The following LAMB4 variants were observed in gnomAD, a reference collection of about 807,000 sequenced individuals.
LAMB4 encodes laminin subunit beta 4, also known as laminin subunit beta-4.
A neutral mutation model predicts 199.2 loss-of-function variants in LAMB4; 196 were observed. The ratio of observed to expected loss-of-function variants is 0.98; its 90% CI spans 0.88 to 1.11. LAMB4 has a LOEUF of 1.11. Among genes scored for constraint, LAMB4 ranks in the 50% least tolerant of loss-of-function variants. LAMB4 has a pLI of 0.00. For synonymous variants in LAMB4, 744 were observed against 770.6 expected, an observed-to-expected ratio of 0.97 and a Z score of 0.57; for missense variants, 2,080 against 2,171.2, an observed-to-expected ratio of 0.96 and a Z score of 0.83.
At chr7:108,078,403 A>G (rs1331330011) in intron 15 of LAMB4, 87 bp from the exon 16 acceptor site, 8 of 844,422 alleles carry the variant, frequency 9.5e-6, no homozygotes, top group African/African-American at 1.7e-5. Flanking sequence ...TGGAAAGTGC[A>G]TGGACTTGAA....
At chr7:108,112,454 G>A (rs1359821853) in intron 3 of LAMB4, among the ~76,000 whole-genome samples, 1 of 151,506 alleles carries the variant, frequency 6.6e-6, no homozygotes, top group Non-Finnish European at 1.5e-5. Context: ...ACCACACCCG[G>A]CTATTTTTTT....
At chr7:108,049,590 A>G in intron 26 of LAMB4, 59 bp from the exon 27 acceptor site, 1 of 914,682 alleles carries the variant, frequency 1.1e-6, no homozygotes, top group Non-Finnish European at 1.6e-6. Flanking sequence ...AATTATATAT[A>G]AGTTATTAAG....
At chr7:108,092,461 G>A in intron 12 of LAMB4, 45 bp from the exon 13 acceptor site, 1 of 1,469,710 alleles carries the variant, frequency 6.8e-7, no homozygotes, top group Non-Finnish European at 9.5e-7. Flanking sequence ...TGAAGATGCT[G>A]TTGCTCTGAA....
intron 7 of LAMB4, 43 bp downstream of exon 7, chr7:108,106,466 A>C (rs1370344538): frequency 1.0e-5 from 12 of 1,192,704 alleles, no homozygotes; most frequent in South Asian, 5.3e-5. Flanking sequence ...CCAAACATGA[A>C]ATTTTTTTAA....
At position 108,079,651 on chromosome 7, in the gene LAMB4, T is replaced by G; in HGVS notation, c.1837A>C (p.Asn613His). The G allele has an allele frequency of 6.2e-7, 1 of 1,613,262 alleles. No individual in the cohort carries two copies. Among genetic ancestry groups the G allele is most frequent in the Non-Finnish European group, 8.5e-7 (1 of 1,179,726 alleles). The change falls in exon 15 of 34, where the codon AAC becomes CAC. Residue 613 changes from asparagine to histidine, a missense_variant. Coordinates refer to ENST00000388781, the MANE Select transcript of LAMB4 (RefSeq NM_007356.3). ...GTGAAGTCCACAGGAAAGGGAATGT[T>G]GTTGACAGCAAATCTCAAGCCAGCC... ...PGAGLRFAVN[N>H]IPFPVDFTIA...
chr7:108,025,389 T>A (rs1024314777), intron 33 of LAMB4, among the ~76,000 whole-genome samples: 1 of 91,186 alleles, frequency 1.1e-5, no homozygotes, highest in African/African-American at 8.1e-5. Context: ...TTTTCTTTTC[T>A]TTTCTTTCTT....
intron 4 of LAMB4, 148 bp downstream of exon 4, chr7:108,111,663 A>G: frequency 1.7e-6 from 1 of 591,268 alleles, no homozygotes; most frequent in Admixed American, 3.9e-5. Flanking sequence ...AATAAATTGT[A>G]TTCTTATATG....
At chr7:108,110,533 G>A (rs1228394845) in intron 4 of LAMB4, among the ~76,000 whole-genome samples, 2 of 152,180 alleles carry the variant, frequency 1.3e-5, no homozygotes, top group South Asian at 2.1e-4. Flanking sequence ...GCTTAGGTAC[G>A]TGTTTGCTGC....
chr7:108,068,352 G>C (rs1034904963), intron 18 of LAMB4, among the ~76,000 whole-genome samples, 193 bp from the exon 19 acceptor site: 2 of 152,172 alleles, frequency 1.3e-5, no homozygotes, highest in African/African-American at 4.8e-5. Context: ...TAAGTTCTGC[G>C]AAGTAGTTAG....
chr7:108,045,626 C>T (rs1325483653), intron 28 of LAMB4, among the ~76,000 whole-genome samples: 1 of 152,128 alleles, frequency 6.6e-6, no homozygotes, highest in Non-Finnish European at 1.5e-5. Flanking sequence ...GGTGAGGTTT[C>T]TATTTTTTTG....
chr7:108,036,223 T>C (rs2528698), intron 30 of LAMB4, among the ~76,000 whole-genome samples: 30,666 of 150,228 alleles, frequency 0.2, 7,168 homozygotes, highest in African/African-American at 0.58. Context: ...GAGTTTCGAT[T>C]TTGTTGCCCA....
In LAMB4 at chr7:108,071,352, C is replaced by A. The variant is rs566348960; in HGVS notation, c.2125-1467G>T. ...CTCAGGGTTCTCTCATCAGCACCCCCCTAACTCCACACCTACTTCCTAGGT... is the reference window on the plus strand; with the variant it reads ...CTCAGGGTTCTCTCATCAGCACCCCACTAACTCCACACCTACTTCCTAGGT... On this transcript the variant is annotated intron_variant, in intron 17 of 33. Coordinates refer to ENST00000388781, the MANE Select transcript of LAMB4 (RefSeq NM_007356.3). Among the ~76,000 whole-genome samples, 251 of 152,298 alleles carry A rather than the reference C, an allele frequency of 1.6e-3. 2 individuals carry two copies. Among genetic ancestry groups the A allele is most frequent in the African/African-American group, 5.9e-3 (246 of 41,542 alleles).
At chr7:108,102,456 T>C (rs1246329914) in intron 10 of LAMB4, among the ~76,000 whole-genome samples, 2 of 152,142 alleles carry the variant, frequency 1.3e-5, no homozygotes, top group African/African-American at 4.8e-5. Context: ...GGTAGACAAA[T>C]GGGACAGTTG....
intron 28 of LAMB4, among the ~76,000 whole-genome samples, chr7:108,044,920 T>C (rs1220432518): frequency 8.3e-6 from 1 of 120,388 alleles, no homozygotes; most frequent in Non-Finnish European, 1.6e-5. Flanking sequence ...ACCATTACAC[T>C]CCAGCCTGGG....
At chr7:108,024,400 G>A (rs1479916539) in intron 33 of LAMB4, among the ~76,000 whole-genome samples, 1 of 152,074 alleles carries the variant, frequency 6.6e-6, no homozygotes, top group African/African-American at 2.4e-5. Context: ...ATATCTAAAG[G>A]CATTTATCAA....
At chr7:108,114,591 A>G (rs1192078820) in intron 3 of LAMB4, among the ~76,000 whole-genome samples, 2 of 152,198 alleles carry the variant, frequency 1.3e-5, no homozygotes, top group African/African-American at 4.8e-5. Context: ...TAGAACAGTG[A>G]TATGCACCCA....
chr7:108,026,320 C>T (rs1348827315), intron 33 of LAMB4, among the ~76,000 whole-genome samples: 3 of 152,278 alleles, frequency 2.0e-5, no homozygotes, highest in Admixed American at 6.5e-5. Flanking sequence ...AATAGAAAAG[C>T]GGAAGAACTG....
In LAMB4 at chr7:108,123,205, A is replaced by G; in HGVS notation, c.-33-8T>C. 6.5e-7 allele frequency: 1 copy of G among 1,529,558 alleles called. No individual in the cohort carries two copies. Among genetic ancestry groups the G allele is most frequent in the Non-Finnish European group, 9.0e-7 (1 of 1,117,046 alleles). The allele number at this position is 1,529,558 out of a possible 1,614,324, so 94.7% of individuals were successfully genotyped here. On this transcript the variant is annotated splice_polypyrimidine_tract_variant and splice_region_variant and intron_variant, in intron 1 of 33. Coordinates refer to ENST00000388781, the MANE Select transcript of LAMB4 (RefSeq NM_007356.3). ...TGATTAAATTCAATTCTACTGGGTT[A>G]AAAAAAGGTTAAAGTCAATCACTGA...
intron 32 of LAMB4, among the ~76,000 whole-genome samples, chr7:108,030,538 T>C (rs776915025): frequency 6.6e-6 from 1 of 152,172 alleles, no homozygotes; most frequent in Non-Finnish European, 1.5e-5. Context: ...GCAAATTTGA[T>C]TTATGGACTG....
Sources: gnomAD v4.1 joint callset for allele counts (sites outside exome capture counted in the v4.1 genomes callset) on GRCh38, gnomAD v4.1.1 for gene constraint, MANE v1.5 for transcripts, NCBI Gene and HGNC (gene_info 2026-07-23, HGNC 2026-07-21) for gene names.